The following CCDC141 variants were observed in gnomAD, a reference collection of about 807,000 sequenced individuals.
CCDC141 encodes the protein coiled-coil domain-containing protein 141.
Under a neutral mutation model 181.0 loss-of-function variants are expected in CCDC141, and 168 were observed. The observed-to-expected ratio is 0.93, with a 90% CI of 0.82 to 1.05. CCDC141 has a LOEUF of 1.05. CCDC141 is among the 50% of genes least tolerant of loss of function. CCDC141 has a pLI of 0.00. For synonymous variants in CCDC141, 666 were observed against 642.3 expected (o/e 1.04, Z -0.56); for missense variants, 1,902 against 1,788.5 (o/e 1.06, Z -1.14).
rs566166395 is a variant in CCDC141, at chr2:178,831,224, C to T, written c.*2949G>A. 6.6e-6 allele frequency: 1 copy of T among 152,268 alleles called. No homozygotes were observed. The highest frequency in any genetic ancestry group is 2.4e-5 in the African/African-American group (1 of 41,558). 9.4% of individuals were successfully genotyped at this position (152,268 alleles called of 1,614,324 possible). On this transcript the variant is annotated 3_prime_UTR_variant, in exon 24 of 24. Coordinates refer to ENST00000443758, the MANE Select transcript of CCDC141 (RefSeq NM_173648.4). ...TCTTGGAATTGAGTGTGAAAAACTA[C>T]CACCAAATATTTATACATCCTTTTA...
intron 2 of CCDC141, among the ~76,000 whole-genome samples, chr2:179,015,432 A>ATATATATCTCATATATGTG: frequency 8.4e-6 from 1 of 119,390 alleles, no homozygotes; most frequent in East Asian, 2.7e-4. Context: ...TCATATATGT[A>ATATATATCTCATATATGTG]CCATATATAT....
chr2:178,828,843 T>G (rs537297645), downstream of CCDC141, among the ~76,000 whole-genome samples: 1 of 152,200 alleles, frequency 6.6e-6, no homozygotes, highest in Non-Finnish European at 1.5e-5. Flanking sequence ...TTTTTTATAC[T>G]CAAAAGATTT....
intron 2 of CCDC141, among the ~76,000 whole-genome samples, chr2:179,045,920 C>T (rs999274648): frequency 6.6e-6 from 1 of 151,956 alleles, no homozygotes; most frequent in South Asian, 2.1e-4. Flanking sequence ...AGCTGTCAAA[C>T]GGGAATAAAT....
chr2:178,892,029 T>C (rs545244028), intron 8 of CCDC141, among the ~76,000 whole-genome samples: 2 of 152,256 alleles, frequency 1.3e-5, no homozygotes, highest in South Asian at 2.1e-4. Flanking sequence ...CACAAAAAGA[T>C]TGAGAAGAAC....
chr2:178,850,067 C>T lies in CCDC141; in HGVS notation c.3339G>A (p.Glu1113=). 6.3e-7 allele frequency: 1 copy of T among 1,581,782 alleles called. No individual in the cohort carries two copies. Among genetic ancestry groups the T allele is most frequent in the Non-Finnish European group, 8.6e-7 (1 of 1,160,820 alleles). The change falls in exon 21 of 24, where the codon GAG becomes GAA. Residue 1113 remains glutamate, a synonymous_variant. Transcript: ENST00000443758. ...AAATTACCTTCAGTTTTTCTTCGAG[C>T]TCTGTGAGGGACTCACATAATTCAG... ...SVTELCESLT[E]LEEKLKQGDV...
intron 6 of CCDC141, among the ~76,000 whole-genome samples, chr2:178,931,677 TTGAC>T (rs1483345616): frequency 1.3e-5 from 2 of 152,132 alleles, no homozygotes; most frequent in African/African-American, 4.8e-5. Context: ...GGAATGAAGA[TTGAC>T]TGCTTAATGA....
At position 178,837,596 on chromosome 2, in the gene CCDC141, C is replaced by T. The variant is rs772622072; in HGVS notation, c.3623G>A (p.Cys1208Tyr). Reference sequence around the variant, plus strand: ...CAAGGAGATGTCATCAGGTGAGACACACTCATATTCTTCCCCTGAGAGCAT... The same window carrying T: ...CAAGGAGATGTCATCAGGTGAGACATACTCATATTCTTCCCCTGAGAGCAT... ...EDMLSGEEYE[C>Y]VSPDDISLPP... The change falls in exon 23 of 24, where the codon TGT (cysteine) becomes TAT (tyrosine). Residue 1208 changes from cysteine to tyrosine, a missense_variant. Physicochemically the swap from Cys to Tyr is radical, Grantham distance 194. Coordinates refer to ENST00000443758, the MANE Select transcript of CCDC141 (RefSeq NM_173648.4). 9 of 1,613,958 alleles carry T rather than the reference C, an allele frequency of 5.6e-6. No individual in the cohort carries two copies. Among genetic ancestry groups the T allele is most frequent in the Non-Finnish European group, 6.8e-6 (8 of 1,179,942 alleles).
At chr2:178,980,449 C>CA (rs1427728368) in intron 2 of CCDC141, among the ~76,000 whole-genome samples, 1 of 149,742 alleles carries the variant, frequency 6.7e-6, no homozygotes, top group Non-Finnish European at 1.5e-5. Flanking sequence ...GACTCTGTCT[C>CA]AAAAAAAGAA....
chr2:179,004,553 T>A (rs1377886609), intron 2 of CCDC141, among the ~76,000 whole-genome samples: 1 of 152,184 alleles, frequency 6.6e-6, no homozygotes, highest in African/African-American at 2.4e-5. Context: ...TTGATTCTAA[T>A]TCTACTGCCA....
chr2:178,942,344 A>G (rs1226171107), intron 6 of CCDC141, among the ~76,000 whole-genome samples: 1 of 152,208 alleles, frequency 6.6e-6, no homozygotes, highest in East Asian at 1.9e-4. Flanking sequence ...CTATCAAGCC[A>G]TGAAAAGATA....
At chr2:178,856,671 C>G (rs1236497835) in intron 17 of CCDC141, among the ~76,000 whole-genome samples, 4 of 152,136 alleles carry the variant, frequency 2.6e-5, no homozygotes, top group Non-Finnish European at 1.5e-5. Context: ...TCACTGCAAC[C>G]TCTGCCTCCT....
intron 15 of CCDC141, 29 bp downstream of exon 15, chr2:178,869,088 A>C: frequency 6.9e-7 from 1 of 1,455,676 alleles, no homozygotes; most frequent in African/African-American, 1.4e-5. Flanking sequence ...AAAACTCAGG[A>C]TTTTTCAGAC....
chr2:178,845,603 T>G (rs747897635), intron 22 of CCDC141, 23 bp downstream of exon 22: 5 of 1,306,280 alleles, frequency 3.8e-6, no homozygotes, highest in Non-Finnish European at 4.4e-6. Flanking sequence ...CCTCAATAGC[T>G]GAGGTTAAGT....
Position 179,026,359 on chromosome 2 carries a change from T to C in CCDC141, c.225+20925A>G, listed in dbSNP as rs554078661. ...TAGCCATGGCTGAAAGGGGCCAACA[T>C]AGAGCTCAGGCCATGGCTTCAGAGG... On this transcript the variant is annotated intron_variant, in intron 2 of 23. Transcript: ENST00000443758. Among the ~76,000 whole-genome samples, 59 of 152,262 alleles carry C rather than the reference T, an allele frequency of 3.9e-4. No individual in the cohort carries two copies. In the South Asian group the frequency reaches 0.011, roughly 29 times the overall value.
chr2:179,022,658 G>A (rs1245238697), intron 2 of CCDC141, among the ~76,000 whole-genome samples: 3 of 152,196 alleles, frequency 2.0e-5, no homozygotes, highest in African/African-American at 7.2e-5. Flanking sequence ...TACTCAGATA[G>A]TGCCTTGATG....
chr2:178,934,889 C>G (rs1689226250), intron 6 of CCDC141, among the ~76,000 whole-genome samples: 1 of 152,268 alleles, frequency 6.6e-6, no homozygotes, highest in South Asian at 2.1e-4. Context: ...TTGAAAGGAA[C>G]ATTTCCTATT....
At chr2:178,967,896 T>C (rs771326157) in intron 4 of CCDC141, among the ~76,000 whole-genome samples, 13 of 152,032 alleles carry the variant, frequency 8.6e-5, no homozygotes, top group Non-Finnish European at 7.4e-5. Flanking sequence ...GGAGGAATAT[T>C]TACTAAGCAA....
In CCDC141 at chr2:178,845,647, T is replaced by C; in HGVS notation, c.3453A>G (p.Ile1151Met). 1 of 1,598,958 alleles carries C rather than the reference T, an allele frequency of 6.3e-7. No individual in the cohort carries two copies. Among genetic ancestry groups the C allele is most frequent in the Non-Finnish European group, 8.6e-7 (1 of 1,166,408 alleles). ...LKEPAKNKQT[I>M]FNEERNKGQV... Reference sequence around the variant, plus strand: ...TTACCTTATTCCTTTCTTCATTGAATATTGTCTGCTTATTTTTTGCTGGTT... The same window carrying C: ...TTACCTTATTCCTTTCTTCATTGAACATTGTCTGCTTATTTTTTGCTGGTT... The change falls in exon 22 of 24, where the codon ATA becomes ATG. Residue 1151 changes from isoleucine to methionine, a missense_variant. Physicochemically the swap from Ile to Met is conservative, Grantham distance 10 (BLOSUM62 1). Coordinates refer to ENST00000443758, the MANE Select transcript of CCDC141 (RefSeq NM_173648.4).
chr2:178,997,302 C>T (rs1283681940), intron 2 of CCDC141, among the ~76,000 whole-genome samples: 4 of 152,146 alleles, frequency 2.6e-5, no homozygotes, highest in South Asian at 2.1e-4. Context: ...GGTGATTGCT[C>T]ATATGCTGTC....
Sources: gnomAD v4.1 joint callset for allele counts (sites outside exome capture counted in the v4.1 genomes callset) on GRCh38, gnomAD v4.1.1 for gene constraint, MANE v1.5 for transcripts, NCBI Gene and HGNC (gene_info 2026-07-23, HGNC 2026-07-21) for gene names.